ZBTB49: variants seen among roughly 807,000 people sequenced by gnomAD.
The protein encoded by ZBTB49 is zinc finger and BTB domain containing 49, also known as zinc finger and BTB domain-containing protein 49.
In ZBTB49, 43 loss-of-function variants were observed where a neutral mutation model predicts 57.5. The ratio of observed to expected loss-of-function variants is 0.75; its 90% CI spans 0.59 to 0.97. The LOEUF (loss-of-function observed/expected upper bound fraction) is 0.97, where lower values mean the gene tolerates loss of function less well. Ranked by LOEUF, ZBTB49 falls within the 50% of genes least tolerant of loss-of-function variation. The pLI is 0.00. For synonymous variants in ZBTB49, 369 were observed against 362.1 expected, an observed-to-expected ratio of 1.02 and a Z score of -0.22; for missense variants, 938 against 947.7, an observed-to-expected ratio of 0.99 and a Z score of 0.13.
At chr4:4,301,706 A>G (rs1240250610) in intron 2 of ZBTB49, among the ~76,000 whole-genome samples, 1 of 152,156 alleles carries the variant, frequency 6.6e-6, no homozygotes, top group Admixed American at 6.5e-5. Flanking sequence ...TATCAGTCAT[A>G]TAAATGTATG....
chr4:4,292,195 C>T (rs879896124), intron 1 of ZBTB49, among the ~76,000 whole-genome samples: 3 of 152,236 alleles, frequency 2.0e-5, no homozygotes, highest in Admixed American at 2.0e-4. Flanking sequence ...GCAGAAGAAT[C>T]GCTTGAACCC....
At chr4:4,312,916 C>A in intron 4 of ZBTB49, 125 bp from the exon 5 acceptor site, 2 of 1,052,498 alleles carry the variant, frequency 1.9e-6, no homozygotes, top group Non-Finnish European at 1.4e-6. Context: ...TTGTGTGTAG[C>A]TCATCTTCAT....
chr4:4,315,228 G>C (rs892124996), intron 5 of ZBTB49, among the ~76,000 whole-genome samples: 1 of 152,188 alleles, frequency 6.6e-6, no homozygotes, highest in Non-Finnish European at 1.5e-5. Flanking sequence ...CACCCAGCTA[G>C]GGTCTGTCCC....
chr4:4,297,532 C>A (rs1450579786), intron 1 of ZBTB49, among the ~76,000 whole-genome samples: 1 of 152,090 alleles, frequency 6.6e-6, no homozygotes, highest in Non-Finnish European at 1.5e-5. Context: ...TGCCTTTAAT[C>A]CCAGCACTTT....
In ZBTB49 at chr4:4,321,453, T is replaced by C; in HGVS notation, c.*137T>C. ...AGGTAGCTTCCCTCCTGATGATGGC[T>C]CATAATCTGAAGCATCTTGAGCTGG... On this transcript the variant is annotated 3_prime_UTR_variant, in exon 8 of 8. Transcript: ENST00000337872. The C allele has an allele frequency of 1.1e-6, 1 of 938,694 alleles. No individual in the cohort carries two copies. Among genetic ancestry groups the C allele is most frequent in the Admixed American group, 2.7e-5 (1 of 36,786 alleles). 58.1% of individuals were successfully genotyped at this position (938,694 alleles called of 1,614,324 possible).
rs1440581227 is a variant in ZBTB49 at position 4,321,194 on chromosome 4, C to T, written c.2176C>T (p.Pro726Ser). ...LAALDNHGGDPLGSRASSTTY... is the reference protein window; with the variant it reads ...LAALDNHGGDSLGSRASSTTY... The stretch of plus-strand genomic sequence containing the variant: ...TGCTTTGGACAACCACGGCGGTGAC[C>T]CCCTGGGCAGTCGAGCATCTTCCAC... Residue 726 changes from proline (P) to serine (S), a missense_variant, in exon 8 of 8, where the codon CCC becomes TCC. By Grantham distance (74) the Pro-to-Ser change is moderately conservative (BLOSUM62 -1). Coordinates refer to ENST00000337872, the MANE Select transcript of ZBTB49 (RefSeq NM_145291.4). 6.8e-6 allele frequency: 11 copies of T among 1,614,026 alleles called. No individual in the cohort carries two copies. The highest frequency in any genetic ancestry group is 6.7e-5 in the African/African-American group (5 of 74,906).
At chr4:4,292,901 T>C (rs1038945404) in intron 1 of ZBTB49, among the ~76,000 whole-genome samples, 2 of 152,244 alleles carry the variant, frequency 1.3e-5, no homozygotes, top group South Asian at 2.1e-4. Context: ...TTGTTTTCTT[T>C]AGAAGCATTT....
intron 2 of ZBTB49, among the ~76,000 whole-genome samples, chr4:4,300,335 T>C (rs2043452): frequency 0.25 from 37,871 of 152,096 alleles, 5,212 homozygotes; most frequent in Admixed American, 0.32. Flanking sequence ...TTTGGGATGA[T>C]TGAAAGTATT....
intron 4 of ZBTB49, among the ~76,000 whole-genome samples, chr4:4,306,415 C>G (rs1407324631): frequency 6.6e-6 from 1 of 152,140 alleles, no homozygotes; most frequent in Non-Finnish European, 1.5e-5. Context: ...TTTCGCCTTG[C>G]TAAGGATGAG....
intron 1 of ZBTB49, among the ~76,000 whole-genome samples, chr4:4,295,787 C>T (rs1720169033): frequency 6.6e-6 from 1 of 152,160 alleles, no homozygotes; most frequent in Admixed American, 6.5e-5. Context: ...GCCAATACCC[C>T]AAACCCTACA....
intron 3 of ZBTB49, among the ~76,000 whole-genome samples, chr4:4,305,659 G>A (rs1720701940): frequency 6.6e-6 from 1 of 152,232 alleles, no homozygotes; most frequent in Admixed American, 6.5e-5. Flanking sequence ...ACTGTGGTGA[G>A]GGGCTCTTTC....
intron 3 of ZBTB49, among the ~76,000 whole-genome samples, chr4:4,305,181 A>G (rs550742544): frequency 7.2e-4 from 109 of 151,706 alleles, no homozygotes; most frequent in African/African-American, 2.6e-3. Context: ...AAATATAATT[A>G]TTCAGGGTCA....
Position 4,302,562 on chromosome 4 carries a change from T to C in ZBTB49, c.726T>C (p.Ala242=), listed in dbSNP as rs139193662. The C allele has an allele frequency of 8.1e-6, 13 of 1,614,104 alleles. No homozygotes were observed. The highest frequency in any genetic ancestry group is 1.7e-4 in the Middle Eastern group (1 of 6,060). ...AGAGAGTTGTTGAGCAGCCTTTTGCTTTCAGCACCTCTACAGACCTTACCA... is the reference window on the plus strand; with the variant it reads ...AGAGAGTTGTTGAGCAGCCTTTTGCCTTCAGCACCTCTACAGACCTTACCA... The part of the protein sequence containing the change: ...SQERVVEQPF[A]FSTSTDLTTV... Residue 242 remains alanine, a synonymous_variant, in exon 3 of 8, where the codon GCT becomes GCC. Coordinates refer to ENST00000337872, the MANE Select transcript of ZBTB49 (RefSeq NM_145291.4).
rs1721174403 is a variant in ZBTB49, at chr4:4,315,853, ACGG to A, written c.1506_1508del (p.Ala503del). 6.2e-7 allele frequency: 1 copy of A among 1,614,138 alleles called. No homozygotes were observed. The highest frequency in any genetic ancestry group is 8.5e-7 in the Non-Finnish European group (1 of 1,180,052). On this transcript the variant is annotated inframe_deletion, in exon 7 of 8. Coordinates refer to ENST00000337872, the MANE Select transcript of ZBTB49 (RefSeq NM_145291.4). ...TTTGAAGGAGCACAAAAAGACACAC[ACGG>A]CTGATAAAGTCTTCACCTGTGATGA...
At chr4:4,292,527 C>T (rs1719995806) in intron 1 of ZBTB49, among the ~76,000 whole-genome samples, 1 of 152,176 alleles carries the variant, frequency 6.6e-6, no homozygotes, top group South Asian at 2.1e-4. Flanking sequence ...ATCTGTTGCA[C>T]ATGTTAGGCA....
intron 5 of ZBTB49, among the ~76,000 whole-genome samples, chr4:4,315,129 T>C (rs1307130571): frequency 3.3e-5 from 5 of 152,214 alleles, no homozygotes; most frequent in Non-Finnish European, 7.3e-5. Flanking sequence ...CATTTTACTT[T>C]ATAGTGAAAA....
In ZBTB49 at chr4:4,321,589, G is replaced by A. The variant is rs998131533; in HGVS notation, c.*273G>A. 1 of 510,494 alleles carries A rather than the reference G, an allele frequency of 2.0e-6. No individual in the cohort carries two copies. Among genetic ancestry groups the A allele is most frequent in the Non-Finnish European group, 3.5e-6 (1 of 287,344 alleles). 31.6% of individuals were successfully genotyped at this position (510,494 alleles called of 1,614,324 possible). On this transcript the variant is annotated 3_prime_UTR_variant, in exon 8 of 8. Coordinates refer to ENST00000337872, the MANE Select transcript of ZBTB49 (RefSeq NM_145291.4). ...GTCTCAGCAGCCTCAGCTGTGGGGG[G>A]GAAGCGCGTGTGCATCGTGTCAACT...
At chr4:4,292,370 T>C (rs370186374) in intron 1 of ZBTB49, among the ~76,000 whole-genome samples, 10 of 152,220 alleles carry the variant, frequency 6.6e-5, no homozygotes, top group African/African-American at 2.4e-4. Flanking sequence ...GATGACCGTA[T>C]CTGATGTGTT....
chr4:4,297,046 C>T (rs180797173), intron 1 of ZBTB49, among the ~76,000 whole-genome samples: 3 of 152,204 alleles, frequency 2.0e-5, no homozygotes, highest in African/African-American at 7.2e-5. Context: ...AGTTATACAT[C>T]GGTTCAACCT....
Sources: gnomAD v4.1 joint callset for allele counts (sites outside exome capture counted in the v4.1 genomes callset) on GRCh38, gnomAD v4.1.1 for gene constraint, MANE v1.5 for transcripts, NCBI Gene and HGNC (gene_info 2026-07-23, HGNC 2026-07-21) for gene names.